PCSK5: variants seen among roughly 807,000 people sequenced by gnomAD.
The protein encoded by PCSK5 is prohormone convertase 5.
PCSK5 carries 129 observed loss-of-function variants against 233.2 expected under a neutral mutation model. The ratio of observed to expected loss-of-function variants is 0.55; its 90% confidence interval spans 0.48 to 0.64. The LOEUF (loss-of-function observed/expected upper bound fraction) is 0.64. Among genes scored for constraint, PCSK5 ranks in the 30% least tolerant of loss-of-function variants. The pLI is 0.00. For missense variants in PCSK5, 2,076 were observed against 2,430.1 expected (o/e 0.85, Z 3.06); for synonymous variants, 825 against 879.2 (o/e 0.94, Z 1.09).
At chr9:76,104,072 T>C (rs995584896) in intron 8 of PCSK5, among the ~76,000 whole-genome samples, 6 of 152,204 alleles carry the variant, frequency 3.9e-5, no homozygotes, top group African/African-American at 9.6e-5. Context: ...GGATATTCCA[T>C]GTGGTTCCAG....
intron 24 of PCSK5, among the ~76,000 whole-genome samples, chr9:76,280,178 C>A (rs577242282): frequency 3.3e-5 from 5 of 152,186 alleles, no homozygotes; most frequent in African/African-American, 1.2e-4. Flanking sequence ...GATCAGTGAT[C>A]AATTATAATT....
chr9:76,153,592 G>T (rs1257729389), intron 10 of PCSK5, among the ~76,000 whole-genome samples: 1 of 152,170 alleles, frequency 6.6e-6, no homozygotes, highest in Non-Finnish European at 1.5e-5. Flanking sequence ...TGGAATGGCC[G>T]TATCGTAACC....
At chr9:76,175,389 G>A (rs1435315994) in intron 14 of PCSK5, 8 of 518,580 alleles carry the variant, frequency 1.5e-5, no homozygotes, top group African/African-American at 3.9e-5. Context: ...AAATATTTGT[G>A]TGTGTATATC....
chr9:76,040,230 G>A (rs1829035549), intron 5 of PCSK5, among the ~76,000 whole-genome samples: 1 of 151,902 alleles, frequency 6.6e-6, no homozygotes, highest in Admixed American at 6.6e-5. Context: ...TGTACTCTAG[G>A]GCACAGGCCA....
intron 2 of PCSK5, among the ~76,000 whole-genome samples, chr9:75,959,358 G>A (rs970801518): frequency 2.6e-5 from 4 of 152,142 alleles, no homozygotes; most frequent in Non-Finnish European, 2.9e-5. Flanking sequence ...CAAGTGGGGT[G>A]AGGAGGGCCA....
intron 9 of PCSK5, among the ~76,000 whole-genome samples, chr9:76,127,624 C>T (rs1002127534): frequency 6.6e-6 from 1 of 152,182 alleles, no homozygotes; most frequent in Non-Finnish European, 1.5e-5. Context: ...AAACATATTA[C>T]TAAAGTTTAG....
chr9:75,959,968 T>G (rs1252986937), intron 2 of PCSK5, among the ~76,000 whole-genome samples: 1 of 152,196 alleles, frequency 6.6e-6, no homozygotes, highest in Non-Finnish European at 1.5e-5. Flanking sequence ...ATTCCTATTC[T>G]ATGTAGGGCA....
At chr9:76,205,722 C>G (rs568249585) in intron 20 of PCSK5, among the ~76,000 whole-genome samples, 1 of 152,140 alleles carries the variant, frequency 6.6e-6, no homozygotes, top group African/African-American at 2.4e-5. Context: ...AATTATTAGA[C>G]AATTCAGAAA....
At chr9:75,952,319 A>G (rs924015064) in intron 2 of PCSK5, among the ~76,000 whole-genome samples, 9 of 152,214 alleles carry the variant, frequency 5.9e-5, no homozygotes, top group Non-Finnish European at 1.2e-4. Context: ...ATCCCTGTCA[A>G]GATACAGACT....
rs550445362 is a variant in PCSK5, at chr9:76,272,205, C to T, written c.3143-20028C>T. Among the ~76,000 whole-genome samples the T allele has an allele frequency of 7.2e-5, 11 of 152,236 alleles. No individual in the cohort carries two copies. The South Asian group carries it at 1.2e-3, about 17-fold the overall frequency. ...TCATTTTGGAAGACATAATTCAACTCACAATGGTTGAACAAGTCTTTTCTA... is the reference window on the plus strand; with the variant it reads ...TCATTTTGGAAGACATAATTCAACTTACAATGGTTGAACAAGTCTTTTCTA... On this transcript the variant is annotated intron_variant, in intron 24 of 37. Coordinates refer to ENST00000674117, the MANE Select transcript of PCSK5 (RefSeq NM_001372043.1).
chr9:76,020,357 GA>G (rs1259938470), intron 3 of PCSK5, among the ~76,000 whole-genome samples: 1 of 152,162 alleles, frequency 6.6e-6, no homozygotes, highest in Non-Finnish European at 1.5e-5. Flanking sequence ...TGAGGTATAG[GA>G]AACAACTACA....
chr9:76,064,320 C>A (rs1830176463), intron 5 of PCSK5, among the ~76,000 whole-genome samples: 1 of 101,762 alleles, frequency 9.8e-6, no homozygotes, highest in African/African-American at 4.7e-5. Context: ...GGCAGAGGCG[C>A]CCCTCACCTC....
intron 20 of PCSK5, among the ~76,000 whole-genome samples, chr9:76,218,569 C>G (rs141804421): frequency 6.7e-6 from 1 of 149,686 alleles, no homozygotes; most frequent in African/African-American, 2.4e-5. Context: ...AATGAGATAA[C>G]ACAATTAAAG....
intron 20 of PCSK5, among the ~76,000 whole-genome samples, chr9:76,212,751 T>A (rs1373839432): frequency 6.6e-6 from 1 of 152,244 alleles, no homozygotes; most frequent in Admixed American, 6.5e-5. Context: ...AACCCTGTGC[T>A]AAGTGCCTTT....
At chr9:76,103,817 G>T (rs1221823699) in intron 8 of PCSK5, among the ~76,000 whole-genome samples, 1 of 152,182 alleles carries the variant, frequency 6.6e-6, no homozygotes, top group Non-Finnish European at 1.5e-5. Flanking sequence ...AGCAATCTGA[G>T]AAGTTCTTTG....
chr9:75,916,444 G>A (rs1007614067), intron 1 of PCSK5, among the ~76,000 whole-genome samples: 3 of 152,122 alleles, frequency 2.0e-5, no homozygotes, highest in Non-Finnish European at 2.9e-5. Flanking sequence ...GCAATATAGC[G>A]GTGTTTTTAA....
intron 5 of PCSK5, among the ~76,000 whole-genome samples, chr9:76,031,487 A>G (rs936107238): frequency 1.3e-5 from 2 of 152,164 alleles, no homozygotes; most frequent in Admixed American, 6.5e-5. Flanking sequence ...CAGGAGATTG[A>G]GACCAGCCTG....
rs150436359 is a variant in PCSK5, at chr9:76,026,622, A to T, written c.556-339A>T. On this transcript the variant is annotated intron_variant, in intron 4 of 37. Coordinates refer to ENST00000674117, the MANE Select transcript of PCSK5 (RefSeq NM_001372043.1). Reference sequence around the variant, plus strand: ...TAGGTAGTCAAGGTGTACCTCAGAGAAAAGGTAATAATGAGGATGTCTTTG... The same window carrying T: ...TAGGTAGTCAAGGTGTACCTCAGAGTAAAGGTAATAATGAGGATGTCTTTG... Among the ~76,000 whole-genome samples the T allele has an allele frequency of 1.3e-3, 194 of 152,260 alleles. 1 individual carries two copies. Among genetic ancestry groups the T allele is most frequent in the African/African-American group, 4.4e-3 (183 of 41,538 alleles).
chr9:75,999,587 A>T (rs1827177324), intron 3 of PCSK5, among the ~76,000 whole-genome samples: 1 of 152,234 alleles, frequency 6.6e-6, no homozygotes, highest in Non-Finnish European at 1.5e-5. Flanking sequence ...CACTCATGCC[A>T]TTGTTTGTGG....
Sources: gnomAD v4.1 joint callset for allele counts (sites outside exome capture counted in the v4.1 genomes callset) on GRCh38, gnomAD v4.1.1 for gene constraint, MANE v1.5 for transcripts, NCBI Gene and HGNC (gene_info 2026-07-23, HGNC 2026-07-21) for gene names.